TAFA1: variants seen among roughly 807,000 people sequenced by gnomAD.
TAFA1 encodes chemokine-like protein TAFA-1.
A neutral mutation model predicts 18.5 loss-of-function variants in TAFA1; 4 were observed. The observed-to-expected ratio is 0.22, with a 90% CI of 0.11 to 0.49. The LOEUF is 0.49. Among genes scored for constraint, TAFA1 ranks in the 20% least tolerant of loss-of-function variants. The pLI, the probability that TAFA1 is intolerant of heterozygous loss-of-function variation, is 0.98. For synonymous variants in TAFA1, 56 were observed against 55.2 expected, an observed-to-expected ratio of 1.01 and a Z score of -0.06; for missense variants, 147 against 169.0, an observed-to-expected ratio of 0.87 and a Z score of 0.72.
chr3:68,271,836 T>TCTCA (rs1247651459), intron 2 of TAFA1, among the ~76,000 whole-genome samples: 1 of 129,224 alleles, frequency 7.7e-6, no homozygotes, highest in African/African-American at 3.0e-5. Context: ...TCTCTCTCTC[T>TCTCA]CACACACACA....
At chr3:68,099,376 C>G (rs1467123932) in intron 2 of TAFA1, among the ~76,000 whole-genome samples, 2 of 152,070 alleles carry the variant, frequency 1.3e-5, no homozygotes, top group Non-Finnish European at 2.9e-5. Context: ...AGAAGACATA[C>G]AAATTGTCAA....
intron 2 of TAFA1, among the ~76,000 whole-genome samples, chr3:68,397,865 C>G (rs999864527): frequency 6.6e-6 from 1 of 152,136 alleles, no homozygotes; most frequent in African/African-American, 2.4e-5. Flanking sequence ...TGCAGAAGCT[C>G]TTCAGTTTAA....
intron 2 of TAFA1, among the ~76,000 whole-genome samples, chr3:68,403,892 C>G (rs34763509): frequency 0.048 from 7,352 of 152,212 alleles, 476 homozygotes; most frequent in African/African-American, 0.15. Flanking sequence ...TGACTAAAAA[C>G]AGTCAATGCC....
chr3:68,208,560 A>C (rs2066554489), intron 2 of TAFA1, among the ~76,000 whole-genome samples: 1 of 152,006 alleles, frequency 6.6e-6, no homozygotes, highest in African/African-American at 2.4e-5. Context: ...TGGCTCTAAC[A>C]TAGAGCCTTC....
intron 2 of TAFA1, among the ~76,000 whole-genome samples, chr3:68,022,819 A>AT (rs1704720635): frequency 3.6e-5 from 3 of 83,194 alleles, no homozygotes; most frequent in African/African-American, 5.2e-5. Context: ...TTATATATAT[A>AT]TATTATATAT....
At chr3:68,120,229 CTTTCT>C (rs2065379799) in intron 2 of TAFA1, among the ~76,000 whole-genome samples, 2 of 121,044 alleles carry the variant, frequency 1.7e-5, no homozygotes, top group East Asian at 4.5e-4. Flanking sequence ...TTCTTTCTTT[CTTTCT>C]TTCTTTCTTT....
chr3:68,104,501 A>C (rs980131357), intron 2 of TAFA1, among the ~76,000 whole-genome samples: 61 of 152,056 alleles, frequency 4.0e-4, no homozygotes, highest in African/African-American at 1.4e-3. Flanking sequence ...TAAATGGAAT[A>C]TATTGTCATT....
intron 2 of TAFA1, among the ~76,000 whole-genome samples, chr3:68,055,856 C>T (rs2064529919): frequency 6.6e-6 from 1 of 152,090 alleles, no homozygotes; most frequent in Non-Finnish European, 1.5e-5. Flanking sequence ...ACAGTTCTCT[C>T]ACATCAGGTC....
chr3:68,383,208 A>G (rs1165614035), intron 2 of TAFA1, among the ~76,000 whole-genome samples: 1 of 152,092 alleles, frequency 6.6e-6, no homozygotes, highest in Admixed American at 6.6e-5. Flanking sequence ...ACCAGCCAGG[A>G]CTTCCAACAC....
At chr3:68,081,000 C>G (rs977359263) in intron 2 of TAFA1, among the ~76,000 whole-genome samples, 4 of 152,022 alleles carry the variant, frequency 2.6e-5, no homozygotes, top group Non-Finnish European at 5.9e-5. Flanking sequence ...TTCTTGGAGG[C>G]TTTGCTCATT....
chr3:67,996,510 A>G, the TAFA1 span, among the ~76,000 whole-genome samples: 8 of 152,170 alleles, frequency 5.3e-5, no homozygotes, highest in Non-Finnish European at 1.0e-4. Context: ...CCAGAATGGT[A>G]TAATATGGCT....
intron 2 of TAFA1, among the ~76,000 whole-genome samples, chr3:68,325,226 C>G (rs1401928965): frequency 6.6e-6 from 1 of 152,208 alleles, no homozygotes; most frequent in Non-Finnish European, 1.5e-5. Flanking sequence ...ACCAAGGCAT[C>G]AGTGTCACCA....
At chr3:68,356,103 T>A (rs979375495) in intron 2 of TAFA1, among the ~76,000 whole-genome samples, 2 of 151,872 alleles carry the variant, frequency 1.3e-5, no homozygotes, top group Admixed American at 6.6e-5. Flanking sequence ...ATGTAGAACA[T>A]TTCCACCACA....
intron 2 of TAFA1, among the ~76,000 whole-genome samples, chr3:68,291,922 G>C (rs191338112): frequency 7.2e-5 from 11 of 152,132 alleles, no homozygotes; most frequent in Admixed American, 7.2e-4. Flanking sequence ...ACAGTATAAG[G>C]CATCTGATAT....
At chr3:68,131,526 CTG>C (rs1267931169) in intron 2 of TAFA1, among the ~76,000 whole-genome samples, 1 of 152,220 alleles carries the variant, frequency 6.6e-6, no homozygotes, top group Non-Finnish European at 1.5e-5. Flanking sequence ...CAAACTGCTA[CTG>C]TCCTTATTAG....
intron 2 of TAFA1, among the ~76,000 whole-genome samples, chr3:68,023,042 A>C (rs1178472199): frequency 5.3e-5 from 8 of 150,116 alleles, no homozygotes; most frequent in Non-Finnish European, 1.0e-4. Flanking sequence ...TTCAAAGTGC[A>C]CAGTTAGTAA....
intron 2 of TAFA1, among the ~76,000 whole-genome samples, chr3:68,112,103 A>AAT (rs398105983): frequency 6.6e-6 from 1 of 151,472 alleles, no homozygotes; most frequent in African/African-American, 2.4e-5. Context: ...TGAAAAAAAA[A>AAT]TGCTATACTC....
At chr3:68,289,606 G>A (rs1688090244) in intron 2 of TAFA1, among the ~76,000 whole-genome samples, 1 of 145,454 alleles carries the variant, frequency 6.9e-6, no homozygotes, top group African/African-American at 2.5e-5. Context: ...CATTTAGAAT[G>A]TTCTGCTGCA....
At chr3:68,202,239 G>A (rs1203197581) in intron 2 of TAFA1, among the ~76,000 whole-genome samples, 1 of 151,472 alleles carries the variant, frequency 6.6e-6, no homozygotes, top group East Asian at 2.0e-4. Context: ...TTAATCTGTG[G>A]GTATCTGTGT....
Sources: allele counts gnomAD v4.1 joint callset (sites outside exome capture counted in the v4.1 genomes callset), GRCh38; gene constraint gnomAD v4.1.1; transcripts MANE v1.5; gene names NCBI Gene and HGNC (gene_info 2026-07-23, HGNC 2026-07-21).